Variants in PTCD1 observed in about 807,000 individuals in gnomAD.
PTCD1 encodes pentatricopeptide repeat domain 1, also known as pentatricopeptide repeat-containing protein 1, mitochondrial.
PTCD1 carries 50 observed loss-of-function variants against 53.4 expected under a neutral mutation model. The ratio of observed to expected loss-of-function variants is 0.94; its 90% CI spans 0.75 to 1.19. PTCD1 has a LOEUF of 1.19. PTCD1 is among the 50% of genes most tolerant of loss of function. The probability of loss-of-function intolerance (pLI) is 0.00; values close to 1 mark genes in which losing one functional copy is unlikely to be tolerated. For missense variants in PTCD1, 918 were observed against 904.8 expected (o/e 1.01, Z -0.19); for synonymous variants, 413 against 394.8 (o/e 1.05, Z -0.55).
rs535879217 is a variant in PTCD1, at chr7:99,417,569, C to T, written c.*2398G>A. On this transcript the variant is annotated 3_prime_UTR_variant, in exon 8 of 8. Coordinates refer to ENST00000292478, the MANE Select transcript of PTCD1 (RefSeq NM_015545.4). ...CAACTTCGGGACGAACTGCATCTGCCGCGTGCCCAAAAGCAAGCTGGAAGT... is the reference window on the plus strand; with the variant it reads ...CAACTTCGGGACGAACTGCATCTGCTGCGTGCCCAAAAGCAAGCTGGAAGT... 36 of 1,612,646 alleles carry T rather than the reference C, an allele frequency of 2.2e-5. No homozygotes were observed. Among genetic ancestry groups the T allele is most frequent in the Non-Finnish European group, 2.8e-5 (33 of 1,179,642 alleles).
At position 99,424,842 on chromosome 7, in the gene PTCD1, C is replaced by T. The variant is rs769687022; in HGVS notation, c.1690G>A (p.Gly564Arg). ...AGACCGTCCTTCGGCCTGTGGCACCCGATGGCCAGGTTGCAGAATGTCTGC... is the reference window on the plus strand; with the variant it reads ...AGACCGTCCTTCGGCCTGTGGCACCTGATGGCCAGGTTGCAGAATGTCTGC... ...NLQTFCNLAI[G>R]CHRPKDGLQL... Residue 564 changes from glycine to arginine, a missense_variant, in exon 6 of 8, where the codon GGG (glycine) becomes AGG (arginine). Coordinates refer to ENST00000292478, the MANE Select transcript of PTCD1 (RefSeq NM_015545.4). 9 of 1,614,268 alleles carry T rather than the reference C, an allele frequency of 5.6e-6. No individual in the cohort carries two copies. In the East Asian group the frequency reaches 6.7e-5, roughly 12 times the overall value.
At chr7:99,434,692 C>CAA in intron 2 of PTCD1, 98 bp downstream of exon 2, 2 of 1,532,542 alleles carry the variant, frequency 1.3e-6, no homozygotes, top group Non-Finnish European at 9.0e-7. Context: ...AGGGTAGGCC[C>CAA]AAAACTTAGA....
rs1381992507 is a variant in PTCD1, at chr7:99,433,438, G to C, written c.454-20C>G. On this transcript the variant is annotated intron_variant, in intron 2 of 7. Coordinates refer to ENST00000292478, the MANE Select transcript of PTCD1 (RefSeq NM_015545.4). The stretch of plus-strand genomic sequence containing the variant: ...AACCAGCTGCAGGGAAGAGGCAACA[G>C]GGCAGGGGCTCAGAATGGCCCCAGA... The C allele has an allele frequency of 5.0e-6, 8 of 1,613,936 alleles. No individual in the cohort carries two copies. In the East Asian group the frequency reaches 1.1e-4, roughly 22 times the overall value.
Position 99,436,888 on chromosome 7 carries a change from A to C in PTCD1, c.-26-1620T>G, listed in dbSNP as rs553732747. Among the ~76,000 whole-genome samples, 12 of 152,314 alleles carry C rather than the reference A, an allele frequency of 7.9e-5. 1 individual carries two copies. Among genetic ancestry groups the C allele is most frequent in the African/African-American group, 2.6e-4 (11 of 41,574 alleles). ...TTCTTTTTTGTGGAATGGGGTCTTCATGTTGCCCAGGCTGGAGTGCGATGG... is the reference window on the plus strand; with the variant it reads ...TTCTTTTTTGTGGAATGGGGTCTTCCTGTTGCCCAGGCTGGAGTGCGATGG... On this transcript the variant is annotated intron_variant, in intron 1 of 7. Transcript: ENST00000292478.
rs1451567309 is a variant in PTCD1 at position 99,424,980 on chromosome 7, C to T, written c.1552G>A (p.Ala518Thr). 1.9e-6 allele frequency: 3 copies of T among 1,614,132 alleles called. No individual in the cohort carries two copies. The highest frequency in any genetic ancestry group is 4.5e-5 in the East Asian group (2 of 44,894). ...AGCGTGTTAAAGAATGTCAGGTCGG[C>T]CTCTACCTGGTGCTCATCCAGGAGG... is the stretch of plus-strand genomic sequence containing the variant. The part of the protein sequence containing the change: ...LALLDEHQVE[A>T]DLTFFNTLVR... The change falls in exon 6 of 8, where the codon GCC (alanine) becomes ACC (threonine). Residue 518 changes from alanine (A) to threonine (T), a missense_variant. Ala to Thr is a moderately conservative substitution (Grantham distance 58, BLOSUM62 0). Coordinates refer to ENST00000292478, the MANE Select transcript of PTCD1 (RefSeq NM_015545.4).
At chr7:99,427,983 C>T (rs984380235) in intron 5 of PTCD1, among the ~76,000 whole-genome samples, 2 of 150,474 alleles carry the variant, frequency 1.3e-5, no homozygotes, top group African/African-American at 2.5e-5. Context: ...GCCGCAGGGT[C>T]GTCTGCCTAG....
rs1462317429 is a variant in PTCD1 at position 99,416,794 on chromosome 7, C to T, written c.*3173G>A. 1 of 150,384 alleles carries T rather than the reference C, an allele frequency of 6.6e-6. No individual in the cohort carries two copies. Among genetic ancestry groups the T allele is most frequent in the Non-Finnish European group, 1.4e-5 (1 of 70,908 alleles). 9.3% of individuals were successfully genotyped at this position (150,384 alleles called of 1,614,324 possible). On this transcript the variant is annotated 3_prime_UTR_variant, in exon 8 of 8. Coordinates refer to ENST00000292478, the MANE Select transcript of PTCD1 (RefSeq NM_015545.4). ...GGAGTGCAGTGGTGCAATGATGGCT[C>T]ACTGCAGCCTCAACCTTCTGGGCTC... is the stretch of plus-strand genomic sequence containing the variant.
intron 4 of PTCD1, 95 bp from the exon 5 acceptor site, chr7:99,429,299 C>G: frequency 6.7e-7 from 1 of 1,482,220 alleles, no homozygotes; most frequent in South Asian, 1.1e-5. Flanking sequence ...GAGGCCAAGG[C>G]AGGATGATCA....
Position 99,429,762 on chromosome 7 carries a change from G to A in PTCD1, c.639C>T (p.Ala213=). ...DLEPSDATYT[A]LFNVCAESPW... ...GGGACTCGGCACAGACGTTGAACAG[G>A]GCCGTGTAGGTGGCGTCCGAGGGCT... Residue 213 remains alanine, a synonymous_variant, in exon 4 of 8, where the codon GCC becomes GCT. Coordinates refer to ENST00000292478, the MANE Select transcript of PTCD1 (RefSeq NM_015545.4). 6.2e-7 allele frequency: 1 copy of A among 1,614,188 alleles called. No homozygotes were observed. Among genetic ancestry groups the A allele is most frequent in the African/African-American group, 1.3e-5 (1 of 75,042 alleles).
At chr7:99,424,082 G>A (rs1329249123) in intron 6 of PTCD1, 125 bp from the exon 7 acceptor site, 33 of 1,311,700 alleles carry the variant, frequency 2.5e-5, no homozygotes, top group Non-Finnish European at 3.3e-5. Flanking sequence ...AAACTTGGCA[G>A]CAACAATGTG....
intron 5 of PTCD1, among the ~76,000 whole-genome samples, chr7:99,427,180 G>A (rs1796070842): frequency 6.9e-6 from 1 of 144,792 alleles, no homozygotes; most frequent in Non-Finnish European, 1.5e-5. Context: ...AGGGAGGTGG[G>A]GGTGGTCAGC....
chr7:99,421,742 G>A (rs1053810740), intron 7 of PTCD1, among the ~76,000 whole-genome samples: 1 of 152,102 alleles, frequency 6.6e-6, no homozygotes, highest in African/African-American at 2.4e-5. Flanking sequence ...GTGACAGAGT[G>A]AGACTCCATC....
chr7:99,432,885 CA>C, intron 3 of PTCD1: 1 of 330,616 alleles, frequency 3.0e-6, no homozygotes, highest in South Asian at 2.6e-5. Flanking sequence ...CCCACCTCTA[CA>C]AAAAACTTAA....
intron 7 of PTCD1, 77 bp downstream of exon 7, chr7:99,423,698 G>C: frequency 6.2e-7 from 1 of 1,607,730 alleles, no homozygotes; most frequent in Non-Finnish European, 8.5e-7. Flanking sequence ...CCAAGGGCCA[G>C]AACCGGGGTT....
In PTCD1 at chr7:99,432,975, G is replaced by T. The variant is rs114208759; in HGVS notation, c.594+303C>A. The T allele has an allele frequency of 1.3e-3, 588 of 470,378 alleles. 3 individuals are homozygous for T. The highest frequency in any genetic ancestry group is 0.011 in the African/African-American group (545 of 51,010). 29.1% of individuals were successfully genotyped at this position (470,378 alleles called of 1,614,324 possible). On this transcript the variant is annotated intron_variant, in intron 3 of 7. Coordinates refer to ENST00000292478, the MANE Select transcript of PTCD1 (RefSeq NM_015545.4). ...GAGGCAGGAGGAACTCTTGAGCCAA[G>T]GAGTTGGAGGCTGCAGTGAGCTATG...
Position 99,420,118 on chromosome 7 carries a change from A to G in PTCD1, c.1952T>C (p.Ile651Thr), listed in dbSNP as rs1027030703. The G allele has an allele frequency of 6.8e-6, 11 of 1,614,068 alleles. No homozygotes were observed. Among genetic ancestry groups the G allele is most frequent in the East Asian group, 6.7e-5 (3 of 44,896 alleles). ...CTTGTAATAGGCTCGGAAGCCGTCA[A>G]TCTTCTCCAGGTAGGTGTTCTTCCC... ...YQGKNTYLEKIDGFRAYYKQW... is the reference protein window; with the variant it reads ...YQGKNTYLEKTDGFRAYYKQW... The change falls in exon 8 of 8, where the codon ATT (isoleucine) becomes ACT (threonine). Residue 651 changes from isoleucine to threonine, a missense_variant. Physicochemically the swap from Ile to Thr is moderately conservative, Grantham distance 89 (BLOSUM62 -1). Coordinates refer to ENST00000292478, the MANE Select transcript of PTCD1 (RefSeq NM_015545.4).
At position 99,428,723 on chromosome 7, in the gene PTCD1, A is replaced by G. The variant is rs1228418025; in HGVS notation, c.915+380T>C. On this transcript the variant is annotated intron_variant, in intron 5 of 7. Transcript: ENST00000292478. ...TCACTCCAGCCTGGGCAAGAGTGAG[A>G]CTCCATCTCAAAATAAATGAATGAA... is the stretch of plus-strand genomic sequence containing the variant. 2.0e-5 allele frequency among the ~76,000 whole-genome samples: 3 copies of G among 152,218 alleles called. No individual in the cohort carries two copies. In the East Asian group the frequency reaches 5.8e-4, roughly 29 times the overall value.
intron 2 of PTCD1, 65 bp from the exon 3 acceptor site, chr7:99,433,483 G>A (rs1796339219): frequency 3.1e-6 from 5 of 1,612,208 alleles, no homozygotes; most frequent in Middle Eastern, 1.9e-4. Flanking sequence ...CAGAGAGAGG[G>A]AGGTTGAAGC....
At position 99,434,978 on chromosome 7, in the gene PTCD1, A is replaced by T; in HGVS notation, c.265T>A (p.Phe89Ile). 1 of 1,614,152 alleles carries T rather than the reference A, an allele frequency of 6.2e-7. No individual in the cohort carries two copies. The highest frequency in any genetic ancestry group is 1.1e-5 in the South Asian group (1 of 91,078). Residue 89 changes from phenylalanine to isoleucine, a missense_variant, in exon 2 of 8, where the codon TTT becomes ATT. Phe to Ile is a conservative substitution (Grantham distance 21). Transcript: ENST00000292478. Reference protein sequence around the residue: ...QEEDEEEEESFGTLSDKYSSR... With the variant: ...QEEDEEEEESIGTLSDKYSSR... ...GAGTATTTGTCAGAGAGGGTCCCAAAACTCTCCTCCTCCTCCTCGTCTTCT... is the reference window on the plus strand; with the variant it reads ...GAGTATTTGTCAGAGAGGGTCCCAATACTCTCCTCCTCCTCCTCGTCTTCT...
Sources: gnomAD v4.1 joint callset for allele counts (sites outside exome capture counted in the v4.1 genomes callset) on GRCh38, gnomAD v4.1.1 for gene constraint, MANE v1.5 for transcripts, NCBI Gene and HGNC (gene_info 2026-07-23, HGNC 2026-07-21) for gene names.